The following TNRC6B variants were observed in gnomAD, a reference collection of about 807,000 sequenced individuals.
TNRC6B encodes the protein trinucleotide repeat-containing gene 6B protein.
In TNRC6B, 52 loss-of-function variants were observed where a neutral mutation model predicts 203.6. The ratio of observed to expected loss-of-function variants is 0.26; its 90% CI spans 0.20 to 0.32. The LOEUF (loss-of-function observed/expected upper bound fraction) is 0.32, where lower values mean the gene tolerates loss of function less well. Among genes scored for constraint, TNRC6B ranks in the 10% least tolerant of loss-of-function variants. TNRC6B has a pLI of 1.00. For synonymous variants in TNRC6B, 838 were observed against 845.7 expected (o/e 0.99, Z 0.16); for missense variants, 1,923 against 2,286.2 (o/e 0.84, Z 3.24).
intron 1 of TNRC6B, among the ~76,000 whole-genome samples, chr22:40,192,656 G>A (rs199671800): frequency 1.3e-5 from 2 of 151,978 alleles, no homozygotes; most frequent in Admixed American, 6.6e-5. Flanking sequence ...AGCTCCTTCC[G>A]AAGTGGGATG....
intron 1 of TNRC6B, among the ~76,000 whole-genome samples, chr22:40,083,097 AG>A (rs772254694): frequency 2.6e-5 from 4 of 152,278 alleles, no homozygotes; most frequent in African/African-American, 9.6e-5. Context: ...AGTAAAGAGA[AG>A]GGGGTTTGAT....
In TNRC6B at chr22:40,301,175, A is replaced by T. The variant is rs1601505051; in HGVS notation, c.3962A>T (p.Gln1321Leu). 1.3e-6 allele frequency: 1 copy of T among 774,218 alleles called. No homozygotes were observed. The highest frequency in any genetic ancestry group is 3.0e-5 in the South Asian group (1 of 33,344). The allele number at this position is 774,218 out of a possible 1,614,324, so 48.0% of individuals were successfully genotyped here. Reference sequence around the variant, plus strand: ...CTGGCTCGAATGGTGAGTGCACTGCAGCAGCAGCAGCAGCAGCAGCAGAGG... The same window carrying T: ...CTGGCTCGAATGGTGAGTGCACTGCTGCAGCAGCAGCAGCAGCAGCAGAGG... Reference protein sequence around the residue: ...QQLARMVSALQQQQQQQQRQP... With the variant: ...QQLARMVSALLQQQQQQQRQP... Residue 1321 changes from glutamine (Q) to leucine (L), a missense_variant, in exon 15 of 23, where the codon CAG (glutamine) becomes CTG (leucine). By Grantham distance (113) the Gln-to-Leu change is moderately radical. Coordinates refer to ENST00000454349, the MANE Select transcript of TNRC6B (RefSeq NM_001162501.2).
chr22:40,296,876 C>T (rs1316537346), intron 12 of TNRC6B, among the ~76,000 whole-genome samples: 2 of 152,050 alleles, frequency 1.3e-5, no homozygotes, highest in East Asian at 1.9e-4. Context: ...GATCTCCGCC[C>T]GACTTGGCCT....
intron 15 of TNRC6B, among the ~76,000 whole-genome samples, chr22:40,302,276 T>TC (rs1292479880): frequency 6.6e-6 from 1 of 152,144 alleles, no homozygotes; most frequent in African/African-American, 2.4e-5. Flanking sequence ...CCATCATAGT[T>TC]TCATCTCAAA....
At chr22:40,166,121 C>T (rs1482468196) in intron 4 of TNRC6B, among the ~76,000 whole-genome samples, 1 of 152,174 alleles carries the variant, frequency 6.6e-6, no homozygotes, top group Admixed American at 6.6e-5. Flanking sequence ...TCCTGAAGGT[C>T]TTCCATGCAA....
chr22:40,270,280 A>C lies in TNRC6B; in HGVS notation c.2965A>C (p.Asn989His). Residue 989 changes from asparagine (N) to histidine (H), a missense_variant and splice_region_variant, in exon 6 of 23, where the codon AAT becomes CAT. Asn to His is a moderately conservative substitution (Grantham distance 68). Transcript: ENST00000454349. The part of the protein sequence containing the change: ...PANAPNAMKP[N>H]SKSMQDGWGE... ...CAACGCTCCCAATGCCATGAAGCCTAGTAAGTGTGAAGCTTTTCATTTTTG... is the reference window on the plus strand; with the variant it reads ...CAACGCTCCCAATGCCATGAAGCCTCGTAAGTGTGAAGCTTTTCATTTTTG... The C allele has an allele frequency of 1.4e-6, 2 of 1,402,986 alleles. No individual in the cohort carries two copies. Among genetic ancestry groups the C allele is most frequent in the Non-Finnish European group, 1.9e-6 (2 of 1,073,212 alleles). 86.9% of individuals were successfully genotyped at this position (1,402,986 alleles called of 1,614,324 possible).
At chr22:40,275,849 C>G (rs1330145190) in intron 7 of TNRC6B, among the ~76,000 whole-genome samples, 1 of 151,870 alleles carries the variant, frequency 6.6e-6, no homozygotes, top group Non-Finnish European at 1.5e-5. Flanking sequence ...ATCCCAGCTA[C>G]TTGGGAGGAT....
chr22:40,216,678 A>G (rs2069639701), intron 1 of TNRC6B, among the ~76,000 whole-genome samples: 1 of 152,228 alleles, frequency 6.6e-6, no homozygotes, highest in African/African-American at 2.4e-5. Context: ...AATTTTTTAG[A>G]AAGTCTCTCT....
intron 3 of TNRC6B, among the ~76,000 whole-genome samples, chr22:40,138,296 C>CG (rs2068617463): frequency 6.6e-6 from 1 of 152,178 alleles, no homozygotes; most frequent in East Asian, 1.9e-4. Context: ...GACGGAGTCT[C>CG]GCTCTGTTGC....
Position 40,300,895 on chromosome 22 carries a change from C to A in TNRC6B, c.3841-15C>A. On this transcript the variant is annotated splice_polypyrimidine_tract_variant and intron_variant, in intron 13 of 22. Coordinates refer to ENST00000454349, the MANE Select transcript of TNRC6B (RefSeq NM_001162501.2). ...AGGAAACTTTGGTTTTCTGTCTTTC[C>A]CCCTTGTTTTGTAGGCATGTCAGCT... 5 of 1,611,668 alleles carry A rather than the reference C, an allele frequency of 3.1e-6. No homozygotes were observed. The highest frequency in any genetic ancestry group is 1.1e-5 in the South Asian group (1 of 90,390).
chr22:40,164,118 G>A (rs911410824), intron 4 of TNRC6B, among the ~76,000 whole-genome samples: 9 of 152,074 alleles, frequency 5.9e-5, no homozygotes, highest in African/African-American at 1.9e-4. Context: ...ATCAGCAGAA[G>A]AAAGGTACAT....
At chr22:40,077,580 A>C (rs1261579774) in intron 1 of TNRC6B, among the ~76,000 whole-genome samples, 1 of 152,168 alleles carries the variant, frequency 6.6e-6, no homozygotes, top group Non-Finnish European at 1.5e-5. Flanking sequence ...GCTGGGCTAC[A>C]AGCAGTTTTT....
intron 12 of TNRC6B, among the ~76,000 whole-genome samples, chr22:40,298,205 G>A (rs1396111341): frequency 3.3e-5 from 5 of 150,798 alleles, no homozygotes; most frequent in Non-Finnish European, 5.9e-5. Context: ...ATTACATGAG[G>A]GAACAAAAGC....
At chr22:40,112,029 G>C (rs1444594297) in intron 1 of TNRC6B, among the ~76,000 whole-genome samples, 2 of 152,108 alleles carry the variant, frequency 1.3e-5, no homozygotes, top group Non-Finnish European at 2.9e-5. Context: ...TGAACCCAGC[G>C]GCAGAGGTTG....
At chr22:40,153,095 C>T (rs1365741594) in intron 3 of TNRC6B, among the ~76,000 whole-genome samples, 1 of 151,796 alleles carries the variant, frequency 6.6e-6, no homozygotes, top group Non-Finnish European at 1.5e-5. Context: ...AACGAGACTC[C>T]ATCTCAAAAA....
intron 1 of TNRC6B, among the ~76,000 whole-genome samples, chr22:40,219,204 C>CTCTG (rs956436163): frequency 6.6e-6 from 1 of 152,230 alleles, no homozygotes; most frequent in African/African-American, 2.4e-5. Context: ...TCTGGTTCAC[C>CTCTG]TCTGTATCTA....
chr22:40,051,559 C>G (rs1432363073), intron 1 of TNRC6B, among the ~76,000 whole-genome samples: 1 of 152,218 alleles, frequency 6.6e-6, no homozygotes, highest in Non-Finnish European at 1.5e-5. Flanking sequence ...CCACACTGAT[C>G]TTCCTGAAAC....
At chr22:40,054,230 CAGTG>C (rs753579698) in intron 1 of TNRC6B, among the ~76,000 whole-genome samples, 4 of 152,160 alleles carry the variant, frequency 2.6e-5, no homozygotes, top group Non-Finnish European at 4.4e-5. Flanking sequence ...ACAAAACTGT[CAGTG>C]AGGCCTAAAG....
intron 12 of TNRC6B, among the ~76,000 whole-genome samples, chr22:40,294,237 A>G (rs1266073383): frequency 6.6e-6 from 1 of 152,140 alleles, no homozygotes; most frequent in East Asian, 1.9e-4. Flanking sequence ...TGGACAATAG[A>G]GTGAGACCCT....
Sources: gnomAD v4.1 joint callset for allele counts (sites outside exome capture counted in the v4.1 genomes callset) on GRCh38, gnomAD v4.1.1 for gene constraint, MANE v1.5 for transcripts, NCBI Gene and HGNC (gene_info 2026-07-23, HGNC 2026-07-21) for gene names.